The following SFXN5 variants were observed in gnomAD, a reference collection of about 807,000 sequenced individuals.
The protein encoded by SFXN5 is sideroflexin 5.
A neutral mutation model predicts 50.2 loss-of-function variants in SFXN5; 43 were observed. The observed-to-expected ratio is 0.86, with a 90% confidence interval of 0.67 to 1.11. The LOEUF is 1.11. Among genes scored for constraint, SFXN5 ranks in the 50% least tolerant of loss-of-function variants. The probability of loss-of-function intolerance (pLI) is 0.00; values close to 1 mark genes in which losing one functional copy is unlikely to be tolerated. For missense variants in SFXN5, 463 were observed against 454.1 expected (o/e 1.02, Z -0.18); for synonymous variants, 203 against 185.8 (o/e 1.09, Z -0.75).
intron 1 of SFXN5, among the ~76,000 whole-genome samples, chr2:73,063,695 G>A (rs181347338): frequency 1.1e-3 from 175 of 152,252 alleles, no homozygotes; most frequent in African/African-American, 4.0e-3. Flanking sequence ...TGGCAGTCTA[G>A]GACCTTATAG....
intron 7 of SFXN5, 78 bp from the exon 8 acceptor site, chr2:73,000,565 C>T: frequency 7.2e-7 from 1 of 1,390,326 alleles, no homozygotes; most frequent in Non-Finnish European, 1.0e-6. Context: ...CAGGAGGCCA[C>T]ACATCCCCAG....
At position 72,973,403 on chromosome 2, in the gene SFXN5, A is replaced by C. The variant is rs1670256811; in HGVS notation, c.626-1718T>G. The stretch of plus-strand genomic sequence containing the variant: ...AGGGCATTTTCAGTGATTGTGATCT[A>C]GGGGTCAGGGGTTGCTGCAGGCATC... On this transcript the variant is annotated intron_variant, in intron 10 of 13. Coordinates refer to ENST00000272433, the MANE Select transcript of SFXN5 (RefSeq NM_144579.3). The surrounding 1 kb of genome is among the most constrained non-coding windows in gnomAD (Gnocchi z 5.5). 5.9e-6 allele frequency: 1 copy of C among 169,150 alleles called. No homozygotes were observed. Among genetic ancestry groups the C allele is most frequent in the South Asian group, 2.0e-4 (1 of 4,914 alleles). 10.5% of individuals were successfully genotyped at this position (169,150 alleles called of 1,614,324 possible).
At chr2:73,020,599 C>T (rs989720727) in intron 5 of SFXN5, among the ~76,000 whole-genome samples, 2 of 152,208 alleles carry the variant, frequency 1.3e-5, no homozygotes, top group Non-Finnish European at 2.9e-5. Context: ...CTGCGAGGCA[C>T]GACACACCCT....
intron 1 of SFXN5, among the ~76,000 whole-genome samples, chr2:73,068,845 G>A: frequency 6.6e-6 from 1 of 151,884 alleles, no homozygotes; most frequent in Non-Finnish European, 1.5e-5. Context: ...CAACCTGGGA[G>A]TGCAGGAGGC....
Position 72,961,223 on chromosome 2 carries a change from G to C in SFXN5, c.853C>G (p.Arg285Gly). Residue 285 changes from arginine (R) to glycine (G), a missense_variant, in exon 13 of 14, where the codon CGG (arginine) becomes GGG (glycine). Arg to Gly is a moderately radical substitution (Grantham distance 125). Transcript: ENST00000272433. The surrounding 1 kb of genome is among the most constrained non-coding windows in gnomAD (Gnocchi z 4.4). ...AGGCTTTGCACAGGGAGGAGCAGCCGGGGGCGTGCCTGCAGGAGAGCCGTC... is the reference window on the plus strand; with the variant it reads ...AGGCTTTGCACAGGGAGGAGCAGCCCGGGGCGTGCCTGCAGGAGAGCCGTC... ...EKTALLQARP[R>G]LLLPVQSLVC... 2 of 1,538,698 alleles carry C rather than the reference G, an allele frequency of 1.3e-6. No homozygotes were observed. The highest frequency in any genetic ancestry group is 2.1e-5 in the Admixed American group (1 of 46,812).
intron 3 of SFXN5, among the ~76,000 whole-genome samples, chr2:73,036,470 A>G (rs1367726477): frequency 2.0e-5 from 3 of 152,166 alleles, no homozygotes; most frequent in Admixed American, 2.0e-4. Context: ...ATGAGCCAGA[A>G]TCGGGAAGCA....
At chr2:73,038,008 A>G (rs886422114) in intron 3 of SFXN5, among the ~76,000 whole-genome samples, 3 of 152,256 alleles carry the variant, frequency 2.0e-5, no homozygotes, top group Admixed American at 6.5e-5. Context: ...GATTGCAAGG[A>G]GCACTGAAAA....
intron 6 of SFXN5, among the ~76,000 whole-genome samples, chr2:73,010,700 T>C (rs1356575186): frequency 6.6e-6 from 1 of 152,196 alleles, no homozygotes; most frequent in Non-Finnish European, 1.5e-5. Flanking sequence ...TCACTTTCTC[T>C]GAAAATAAGA....
In SFXN5 at chr2:72,968,467, C is replaced by T. The variant is rs142620607; in HGVS notation, c.808G>A (p.Val270Ile). Residue 270 changes from valine to isoleucine, a missense_variant, in exon 12 of 14, where the codon GTC becomes ATC. Val to Ile is a conservative substitution (Grantham distance 29). Coordinates refer to ENST00000272433, the MANE Select transcript of SFXN5 (RefSeq NM_144579.3). The stretch of plus-strand genomic sequence containing the variant: ...ACTCACTTCTCCAGCATGGACATGA[C>T]GATCGGGGGTAGCACCAGGATGGGC... The part of the protein sequence containing the change: ...PMPILVLPPI[V>I]MSMLEKTALL... 1.8e-5 allele frequency: 29 copies of T among 1,612,976 alleles called. No homozygotes were observed. In the Admixed American group the frequency reaches 2.5e-4, roughly 14 times the overall value.
chr2:73,045,931 G>A (rs1317430885), intron 2 of SFXN5, among the ~76,000 whole-genome samples: 1 of 152,050 alleles, frequency 6.6e-6, no homozygotes, highest in African/African-American at 2.4e-5. Context: ...GGGACACGTC[G>A]CTTTCCCTGC....
chr2:73,067,224 T>C lies in SFXN5; in HGVS notation c.102+4380A>G, dbSNP rs114887416. Among the ~76,000 whole-genome samples the C allele has an allele frequency of 2.9e-3, 441 of 152,284 alleles. 1 individual carries two copies. The highest frequency in any genetic ancestry group is 0.01 in the African/African-American group (420 of 41,578). Reference sequence around the variant, plus strand: ...GCAACCCAAGTTGAGGGACACTCTATAAAATATCTTCCAAAATTGTCAAGG... The same window carrying C: ...GCAACCCAAGTTGAGGGACACTCTACAAAATATCTTCCAAAATTGTCAAGG... On this transcript the variant is annotated intron_variant, in intron 1 of 13. Transcript: ENST00000272433.
intron 9 of SFXN5, among the ~76,000 whole-genome samples, chr2:72,991,497 T>C (rs1050525721): frequency 1.3e-5 from 2 of 152,254 alleles, no homozygotes; most frequent in African/African-American, 4.8e-5. Flanking sequence ...TTGCCAGTGA[T>C]GGGCCCAGTG....
chr2:72,966,445 T>C (rs561641821), intron 12 of SFXN5, among the ~76,000 whole-genome samples: 176 of 152,316 alleles, frequency 1.2e-3, no homozygotes, highest in African/African-American at 3.7e-3. Context: ...AGGGGCTACG[T>C]ATACGAGAGT....
intron 2 of SFXN5, among the ~76,000 whole-genome samples, chr2:73,041,433 T>A (rs1679614169): frequency 6.6e-6 from 1 of 152,148 alleles, no homozygotes; most frequent in Non-Finnish European, 1.5e-5. Flanking sequence ...GGCTCACACC[T>A]GTAATCCCAG....
At chr2:73,019,118 G>A (rs779541487) in intron 6 of SFXN5, among the ~76,000 whole-genome samples, 2 of 152,120 alleles carry the variant, frequency 1.3e-5, no homozygotes, top group African/African-American at 4.8e-5. Context: ...AAGAACAAAC[G>A]AATGTTACAG....
In SFXN5 at chr2:72,945,917, C is replaced by A. The variant is rs1671880288; in HGVS notation, c.946-818G>T. Among the ~76,000 whole-genome samples the A allele has an allele frequency of 6.6e-6, 1 of 151,926 alleles. No homozygotes were observed. Among genetic ancestry groups the A allele is most frequent in the South Asian group, 2.1e-4 (1 of 4,810 alleles). ...ACCTGCTCTGCTCTCCTCTCCTTGG[C>A]CACCCACCCCCTGCTCCCACGCATC... On this transcript the variant is annotated intron_variant, in intron 13 of 13. Transcript: ENST00000272433. This position sits in a 1 kb window ranked among gnomAD's most constrained non-coding sequence, Gnocchi z 5.8.
At chr2:72,965,015 T>C (rs961268428) in intron 12 of SFXN5, among the ~76,000 whole-genome samples, 3 of 152,192 alleles carry the variant, frequency 2.0e-5, no homozygotes, top group Non-Finnish European at 2.9e-5. Flanking sequence ...CATTTTTGTT[T>C]TCCTGCCCAA....
intron 3 of SFXN5, among the ~76,000 whole-genome samples, chr2:73,027,937 C>T (rs568884330): frequency 2.0e-5 from 3 of 152,332 alleles, no homozygotes; most frequent in Non-Finnish European, 1.5e-5. Flanking sequence ...GTCAGGGTTA[C>T]AAGCATGAGC....
At chr2:73,000,003 G>A (rs545547450) in intron 8 of SFXN5, among the ~76,000 whole-genome samples, 1 of 152,272 alleles carries the variant, frequency 6.6e-6, no homozygotes, top group South Asian at 2.1e-4. Context: ...TCAGCTTGTG[G>A]CCAGCAGTCG....
Sources: allele counts gnomAD v4.1 joint callset (sites outside exome capture counted in the v4.1 genomes callset), GRCh38; gene constraint gnomAD v4.1.1; non-coding constraint Gnocchi (gnomAD v3.1); transcripts MANE v1.5; gene names NCBI Gene and HGNC (gene_info 2026-07-23, HGNC 2026-07-21).